DTWD2: variants seen among roughly 807,000 people sequenced by gnomAD.
The protein encoded by DTWD2 is tRNA-uridine aminocarboxypropyltransferase 2.
DTWD2 carries 39 observed loss-of-function variants against 31.8 expected under a neutral mutation model. That is an observed-to-expected ratio of 1.22 (90% CI 0.95 to 1.60). The LOEUF (loss-of-function observed/expected upper bound fraction) is 1.60, where lower values mean the gene tolerates loss of function less well. Among genes scored for constraint, DTWD2 ranks in the 40% most tolerant of loss-of-function variants. The pLI, the probability that DTWD2 is intolerant of heterozygous loss-of-function variation, is 0.00. For missense variants in DTWD2, 515 were observed against 381.5 expected (o/e 1.35, Z -2.92); for synonymous variants, 180 against 142.8 (o/e 1.26, Z -1.86).
chr5:118,903,284 T>C (rs1419527848), intron 4 of DTWD2, among the ~76,000 whole-genome samples: 2 of 151,986 alleles, frequency 1.3e-5, no homozygotes, highest in South Asian at 2.1e-4. Context: ...GCATTATCAA[T>C]GTGTTTTCAT....
At chr5:118,958,572 C>T (rs1168897237) in intron 1 of DTWD2, among the ~76,000 whole-genome samples, 5 of 140,510 alleles carry the variant, frequency 3.6e-5, no homozygotes, top group South Asian at 2.4e-4. Flanking sequence ...TAACACCAAC[C>T]CCACAGAAAG....
At chr5:118,868,771 C>T (rs1317871266) in intron 4 of DTWD2, among the ~76,000 whole-genome samples, 3 of 145,830 alleles carry the variant, frequency 2.1e-5, no homozygotes, top group Non-Finnish European at 3.0e-5. Context: ...CCTGGGAAGT[C>T]GAGGCTGCAG....
chr5:118,953,679 G>A (rs1754516685), intron 1 of DTWD2, among the ~76,000 whole-genome samples: 1 of 152,154 alleles, frequency 6.6e-6, no homozygotes, highest in Admixed American at 6.5e-5. Flanking sequence ...AGAGCATAAA[G>A]TTATTAGGCT....
chr5:118,859,600 TC>T (rs1752214879), intron 4 of DTWD2, among the ~76,000 whole-genome samples: 1 of 152,154 alleles, frequency 6.6e-6, no homozygotes, highest in African/African-American at 2.4e-5. Context: ...ATAATTAGGT[TC>T]ATTTGTTTCC....
At chr5:118,861,725 T>C (rs999982902) in intron 4 of DTWD2, among the ~76,000 whole-genome samples, 2 of 152,104 alleles carry the variant, frequency 1.3e-5, no homozygotes, top group African/African-American at 2.4e-5. Context: ...CCCTGTGTCA[T>C]GGGTCAGTAT....
chr5:118,918,072 T>C (rs377073699), intron 4 of DTWD2, among the ~76,000 whole-genome samples: 1 of 151,898 alleles, frequency 6.6e-6, no homozygotes, highest in Non-Finnish European at 1.5e-5. Context: ...CCCCAACACA[T>C]GGGGATTAGA....
At chr5:118,865,682 C>G (rs931433607) in intron 4 of DTWD2, among the ~76,000 whole-genome samples, 2 of 152,124 alleles carry the variant, frequency 1.3e-5, no homozygotes, top group African/African-American at 4.8e-5. Flanking sequence ...TTTTGCCTTA[C>G]TTTAGCCTCA....
At chr5:118,957,582 T>A (rs569652224) in intron 1 of DTWD2, among the ~76,000 whole-genome samples, 56 of 152,164 alleles carry the variant, frequency 3.7e-4, no homozygotes, top group African/African-American at 1.3e-3. Flanking sequence ...ATATATATAA[T>A]ATATATCTGT....
chr5:118,943,690 A>G (rs1754262381), intron 2 of DTWD2, among the ~76,000 whole-genome samples: 1 of 152,196 alleles, frequency 6.6e-6, no homozygotes, highest in Non-Finnish European at 1.5e-5. Flanking sequence ...GTGAGCTGAG[A>G]TTGTACCACT....
chr5:118,972,664 T>C (rs896924091), intron 1 of DTWD2, among the ~76,000 whole-genome samples: 1 of 152,122 alleles, frequency 6.6e-6, no homozygotes, highest in African/African-American at 2.4e-5. Context: ...CTGGTAGAGA[T>C]ACAAAAACAT....
chr5:118,850,309 C>CAAAAAAAAA (rs74980941), intron 4 of DTWD2, among the ~76,000 whole-genome samples: 20 of 63,022 alleles, frequency 3.2e-4, no homozygotes, highest in Non-Finnish European at 4.4e-4. Context: ...ACCAAAAATA[C>CAAAAAAAAA]AAAAAAAAAA....
intron 4 of DTWD2, among the ~76,000 whole-genome samples, chr5:118,869,092 C>G (rs1752445039): frequency 6.6e-6 from 1 of 151,498 alleles, no homozygotes; most frequent in Non-Finnish European, 1.5e-5. Context: ...GTTAGTTTTG[C>G]AAGAGAAAAA....
intron 4 of DTWD2, among the ~76,000 whole-genome samples, chr5:118,896,817 G>A (rs576979370): frequency 3.1e-4 from 47 of 152,300 alleles, no homozygotes; most frequent in African/African-American, 1.0e-3. Flanking sequence ...GAGGCCACAT[G>A]TAGGCATTCC....
chr5:118,944,739 A>G, intron 1 of DTWD2, 90 bp from the exon 2 acceptor site: 1 of 1,198,936 alleles, frequency 8.3e-7, no homozygotes, highest in Non-Finnish European at 1.2e-6. Flanking sequence ...CACTGCATTT[A>G]TACAAAGAGG....
chr5:118,869,745 T>C (rs1490428215), intron 4 of DTWD2, among the ~76,000 whole-genome samples: 1 of 152,228 alleles, frequency 6.6e-6, no homozygotes, highest in Non-Finnish European at 1.5e-5. Flanking sequence ...ATAGTTTCTA[T>C]ACAATTTAAA....
At chr5:118,931,948 G>C (rs1336584221) in intron 3 of DTWD2, among the ~76,000 whole-genome samples, 1 of 152,152 alleles carries the variant, frequency 6.6e-6, no homozygotes, top group Non-Finnish European at 1.5e-5. Flanking sequence ...CGCAGTATTG[G>C]AGATTAAACA....
At position 118,840,665 on chromosome 5, in the gene DTWD2, G is replaced by T; in HGVS notation, c.*252C>A. 1 of 263,080 alleles carries T rather than the reference G, an allele frequency of 3.8e-6. No homozygotes were observed. The highest frequency in any genetic ancestry group is 1.2e-3 in the Middle Eastern group (1 of 852). 16.3% of individuals were successfully genotyped at this position (263,080 alleles called of 1,614,324 possible). On this transcript the variant is annotated 3_prime_UTR_variant, in exon 6 of 6. Coordinates refer to ENST00000510708, the MANE Select transcript of DTWD2 (RefSeq NM_173666.4). ...CAACAACAAATCATATTTTAAATTT[G>T]GGTTTGAAAACATGTATTAGAGGCA...
rs1422275729 is a variant in DTWD2, at chr5:118,952,759, C to A, written c.219-8110G>T. On this transcript the variant is annotated intron_variant, in intron 1 of 5. Transcript: ENST00000510708. ...CAGCAGTCTTTAACCCATAAATCTG[C>A]AATATTTACAATATTATTTTAAGTA... 3.9e-5 allele frequency among the ~76,000 whole-genome samples: 6 copies of A among 152,160 alleles called. 1 individual carries two copies. The East Asian group carries it at 1.2e-3, about 29-fold the overall frequency.
Position 118,836,244 on chromosome 5 carries a change from T to C in DTWD2, c.*4673A>G, listed in dbSNP as rs1751559944. Among the ~76,000 whole-genome samples the C allele has an allele frequency of 6.6e-6, 1 of 152,150 alleles. No homozygotes were observed. The highest frequency in any genetic ancestry group is 2.4e-5 in the African/African-American group (1 of 41,434). On this transcript the variant is annotated 3_prime_UTR_variant, in exon 6 of 6. Coordinates refer to ENST00000510708, the MANE Select transcript of DTWD2 (RefSeq NM_173666.4). ...TTCAAGTGAATCTTATTTTTATTTA[T>C]TTATTTATTTATTTGAGACACTGTC... is the stretch of plus-strand genomic sequence containing the variant.
Sources: gnomAD v4.1 joint callset for allele counts (sites outside exome capture counted in the v4.1 genomes callset) on GRCh38, gnomAD v4.1.1 for gene constraint, MANE v1.5 for transcripts, NCBI Gene and HGNC (gene_info 2026-07-23, HGNC 2026-07-21) for gene names.